C4orf50: variants seen among roughly 807,000 people sequenced by gnomAD.
The protein encoded by C4orf50 is uncharacterized protein C4orf50.
C4orf50 carries 80 observed loss-of-function variants against 77.2 expected under a neutral mutation model. The ratio of observed to expected loss-of-function variants is 1.04; its 90% CI spans 0.87 to 1.25. The LOEUF (loss-of-function observed/expected upper bound fraction) is 1.25, where lower values mean the gene tolerates loss of function less well. Among genes scored for constraint, C4orf50 ranks in the 50% most tolerant of loss-of-function variants. The probability of loss-of-function intolerance (pLI) is 0.00; values close to 1 mark genes in which losing one functional copy is unlikely to be tolerated. For missense variants in C4orf50, 1,257 were observed against 1,152.9 expected, an observed-to-expected ratio of 1.09 and a Z score of -1.31; for synonymous variants, 532 against 465.3, an observed-to-expected ratio of 1.14 and a Z score of -1.84.
At chr4:5,913,328 G>C (rs1052200144) in intron 7 of C4orf50, among the ~76,000 whole-genome samples, 2 of 152,206 alleles carry the variant, frequency 1.3e-5, no homozygotes, top group African/African-American at 4.8e-5. Flanking sequence ...GGAGGAGGCC[G>C]TGTCTCTAGT....
At chr4:5,990,657 G>T (rs550281507) in exon 28 of C4orf50, 1 of 399,078 alleles carries the variant, frequency 2.5e-6, no homozygotes, top group African/African-American at 2.1e-5. Flanking sequence ...GAGGGAGTGC[G>T]GATGTCTGCA....
chr4:5,984,800 G>T (rs943681252), intron 28 of C4orf50, among the ~76,000 whole-genome samples: 4 of 151,158 alleles, frequency 2.6e-5, no homozygotes, highest in African/African-American at 2.4e-5. Flanking sequence ...TAATGATCAA[G>T]AATTTTCTAA....
At chr4:5,951,910 C>T (rs1259178397) in intron 7 of C4orf50, among the ~76,000 whole-genome samples, 1 of 152,170 alleles carries the variant, frequency 6.6e-6, no homozygotes, top group Non-Finnish European at 1.5e-5. Flanking sequence ...CTCTCCTCCT[C>T]TGCTCTTCCC....
At chr4:6,001,979 G>A (rs1452493802) in intron 25 of C4orf50, among the ~76,000 whole-genome samples, 1 of 152,238 alleles carries the variant, frequency 6.6e-6, no homozygotes, top group Non-Finnish European at 1.5e-5. Flanking sequence ...ACCTGGAGGA[G>A]GAGAAGAGAC....
At chr4:5,959,260 A>G (rs577943703) in exon 34 of C4orf50, 355 of 1,252,890 alleles carry the variant, frequency 2.8e-4, no homozygotes, top group East Asian at 8.7e-4. Flanking sequence ...AGGCAAAACC[A>G]CTTGCCACTA....
At chr4:5,980,321 G>T (rs370063997) in exon 29 of C4orf50, 33 of 1,610,708 alleles carry the variant, frequency 2.0e-5, no homozygotes, top group Non-Finnish European at 2.8e-5. Flanking sequence ...CAGTAACCTC[G>T]GCCTCTGAGT....
chr4:5,984,951 A>C (rs1035624888), intron 28 of C4orf50, among the ~76,000 whole-genome samples: 5 of 152,152 alleles, frequency 3.3e-5, no homozygotes, highest in Admixed American at 1.3e-4. Flanking sequence ...TCAAAGATAA[A>C]TAGGAAATTA....
chr4:5,975,384 C>T (rs13139469), intron 30 of C4orf50, among the ~76,000 whole-genome samples: 36,120 of 151,960 alleles, frequency 0.24, 4,467 homozygotes, highest in Middle Eastern at 0.28. Context: ...CAAACGTATA[C>T]GCATCGTAGG....
At chr4:5,953,262 C>T (rs1283363387), downstream of C4orf50, among the ~76,000 whole-genome samples, 4 of 152,134 alleles carry the variant, frequency 2.6e-5, no homozygotes, top group South Asian at 2.1e-4. Context: ...AAGCTGCAGA[C>T]GAGAGAGTGA....
intron 7 of C4orf50, among the ~76,000 whole-genome samples, chr4:5,924,714 G>T (rs972345049): frequency 6.6e-6 from 1 of 152,232 alleles, no homozygotes; most frequent in Non-Finnish European, 1.5e-5. Flanking sequence ...CTGAGATCAA[G>T]TTCCACGTGG....
At chr4:6,012,207 T>C (rs1454647854) in intron 23 of C4orf50, among the ~76,000 whole-genome samples, 1 of 152,218 alleles carries the variant, frequency 6.6e-6, no homozygotes, top group African/African-American at 2.4e-5. Flanking sequence ...TTCAACGTCC[T>C]CACACCGAAG....
chr4:5,991,104 G>T (rs529107122), intron 27 of C4orf50, among the ~76,000 whole-genome samples: 1 of 152,054 alleles, frequency 6.6e-6, no homozygotes, highest in Admixed American at 6.5e-5. Context: ...CTCCCTGACC[G>T]CTCTCCCTCA....
intron 7 of C4orf50, among the ~76,000 whole-genome samples, chr4:5,939,764 T>G (rs67472649): frequency 0.24 from 35,837 of 151,986 alleles, 5,397 homozygotes; most frequent in African/African-American, 0.43. Context: ...CCCTGTCCCC[T>G]GTCCCCAGAC....
chr4:5,950,389 G>A (rs1718664856), intron 7 of C4orf50, among the ~76,000 whole-genome samples: 1 of 152,200 alleles, frequency 6.6e-6, no homozygotes, highest in African/African-American at 2.4e-5. Context: ...GTGGAGAGAA[G>A]GGGGTGGTGT....
At chr4:6,014,951 C>CT (rs1351037056) in intron 23 of C4orf50, among the ~76,000 whole-genome samples, 7 of 152,238 alleles carry the variant, frequency 4.6e-5, no homozygotes, top group African/African-American at 1.7e-4. Flanking sequence ...GAATCTCTGT[C>CT]TTTCCCTCCC....
At position 6,009,275 on chromosome 4, in the gene C4orf50, G is replaced by C. The variant is rs2108810640; in HGVS notation, c.427-743C>G. Among the ~76,000 whole-genome samples the C allele has an allele frequency of 6.6e-6, 1 of 152,322 alleles. No homozygotes were observed. The highest frequency in any genetic ancestry group is 1.5e-5 in the Non-Finnish European group (1 of 68,034). ...GGTGCACAACCCACTGCGAAAATTA[G>C]AGCCGTTGCCTACTTTTCAGAATTA... On this transcript the variant is annotated intron_variant, in intron 24 of 33. Transcript: ENST00000531445. This position sits in a 1 kb window ranked among gnomAD's most constrained non-coding sequence, Gnocchi z 5.6.
At chr4:5,957,448 A>G (rs1719033251) in exon 34 of C4orf50, 2 of 152,208 alleles carry the variant, frequency 1.3e-5, no homozygotes, top group South Asian at 2.1e-4. Context: ...GCGGATCACC[A>G]AACCAGTGCT....
chr4:5,904,213 C>T (rs1194189255), intron 7 of C4orf50: 2 of 152,258 alleles, frequency 1.3e-5, no homozygotes, highest in Non-Finnish European at 2.9e-5. Flanking sequence ...CCCTGTCAGG[C>T]CCCTGGCCGC....
At chr4:5,988,306 G>C (rs1257176681) in intron 28 of C4orf50, 41 bp downstream of exon 6, 2 of 1,594,672 alleles carry the variant, frequency 1.3e-6, no homozygotes, top group Non-Finnish European at 1.7e-6. Context: ...CCGGAACAGA[G>C]TCATGCGTGA....
Sources: gnomAD v4.1 joint callset for allele counts (sites outside exome capture counted in the v4.1 genomes callset) on GRCh38, gnomAD v4.1.1 for gene constraint, Gnocchi (gnomAD v3.1) non-coding constraint, MANE v1.5 for transcripts, NCBI Gene and HGNC (gene_info 2026-07-23, HGNC 2026-07-21) for gene names.